The following UBE2E2 variants were observed in gnomAD, a reference collection of about 807,000 sequenced individuals.
The protein encoded by UBE2E2 is ubiquitin conjugating enzyme E2 E2.
A neutral mutation model predicts 24.7 loss-of-function variants in UBE2E2; 6 were observed. That is an observed-to-expected ratio of 0.24 (90% CI 0.13 to 0.48). UBE2E2 has a LOEUF of 0.48. Among genes scored for constraint, UBE2E2 ranks in the 20% least tolerant of loss-of-function variants. The probability of loss-of-function intolerance (pLI) is 0.99; values close to 1 mark genes in which losing one functional copy is unlikely to be tolerated. For synonymous variants in UBE2E2, 104 were observed against 83.6 expected (o/e 1.24, Z -1.33); for missense variants, 169 against 245.0 (o/e 0.69, Z 2.07).
intron 3 of UBE2E2, among the ~76,000 whole-genome samples, chr3:23,401,531 C>T (rs1697222154): frequency 6.6e-6 from 1 of 152,066 alleles, no homozygotes; most frequent in African/African-American, 2.4e-5. Context: ...TGTCTGATGG[C>T]CTTCAAAACC....
At chr3:23,546,790 A>G (rs1695534727) in intron 5 of UBE2E2, among the ~76,000 whole-genome samples, 1 of 152,090 alleles carries the variant, frequency 6.6e-6, no homozygotes, top group Non-Finnish European at 1.5e-5. Flanking sequence ...TTAGATTTTA[A>G]TTAATTTTTA....
intron 3 of UBE2E2, among the ~76,000 whole-genome samples, chr3:23,231,914 G>A (rs542611280): frequency 3.5e-4 from 54 of 152,328 alleles, no homozygotes; most frequent in South Asian, 8.3e-4. Flanking sequence ...ACCCATGGAA[G>A]TGGAGTATGC....
At chr3:23,405,239 G>A (rs559249652) in intron 3 of UBE2E2, among the ~76,000 whole-genome samples, 12 of 152,134 alleles carry the variant, frequency 7.9e-5, no homozygotes, top group Non-Finnish European at 1.3e-4. Flanking sequence ...CTTGGTCAAA[G>A]CATTTATGCC....
intron 1 of UBE2E2, among the ~76,000 whole-genome samples, 155 bp downstream of exon 1, chr3:23,203,619 T>TC (rs1224649052): frequency 6.7e-6 from 1 of 148,386 alleles, no homozygotes; most frequent in Non-Finnish European, 1.5e-5. Context: ...CGTGCCCGGT[T>TC]CCCTACGCCC....
At chr3:23,396,458 A>G (rs1697080890) in intron 3 of UBE2E2, among the ~76,000 whole-genome samples, 1 of 151,712 alleles carries the variant, frequency 6.6e-6, no homozygotes, top group Admixed American at 6.6e-5. Flanking sequence ...ATATACACAT[A>G]CATACATATA....
chr3:23,566,783 C>T lies in UBE2E2; in HGVS notation c.509-22951C>T, dbSNP rs895432521. On this transcript the variant is annotated intron_variant, in intron 5 of 5. Transcript: ENST00000396703. The stretch of plus-strand genomic sequence containing the variant: ...ACCTGCCACTAGGCCCTAGCTCCAA[C>T]ATTGAGGGTCACATGTCAGCAGATT... Among the ~76,000 whole-genome samples the T allele has an allele frequency of 2.6e-5, 4 of 152,298 alleles. No individual in the cohort carries two copies. The East Asian group carries it at 7.7e-4, about 29-fold the overall frequency.
In UBE2E2 at chr3:23,392,228, T is replaced by C. The variant is rs138139684; in HGVS notation, c.228-107380T>C. ...TTATAGTATGGCCTAGCGAATAATA[T>C]ATAACATTATGCTAGCACACTCAAC... On this transcript the variant is annotated intron_variant, in intron 3 of 5. Coordinates refer to ENST00000396703, the MANE Select transcript of UBE2E2 (RefSeq NM_152653.4). 1.0e-3 allele frequency among the ~76,000 whole-genome samples: 156 copies of C among 152,276 alleles called. 5 individuals carry two copies. The East Asian group carries it at 0.026, about 25-fold the overall frequency.
chr3:23,213,737 A>G (rs1341447941), intron 2 of UBE2E2, among the ~76,000 whole-genome samples: 1 of 152,188 alleles, frequency 6.6e-6, no homozygotes, highest in Non-Finnish European at 1.5e-5. Flanking sequence ...TCACCTTACC[A>G]GCGTAAAATA....
intron 3 of UBE2E2, among the ~76,000 whole-genome samples, chr3:23,347,704 A>C (rs1464239461): frequency 2.6e-5 from 4 of 152,186 alleles, no homozygotes; most frequent in African/African-American, 9.7e-5. Flanking sequence ...AAGTATAATA[A>C]TAAATAAATT....
chr3:23,389,626 CT>C, intron 3 of UBE2E2: 2 of 265,720 alleles, frequency 7.5e-6, no homozygotes, highest in East Asian at 7.9e-5. Flanking sequence ...TCCTGGGGGG[CT>C]TTTGTCTTAT....
At chr3:23,585,308 C>G (rs1291781908) in intron 5 of UBE2E2, among the ~76,000 whole-genome samples, 1 of 146,826 alleles carries the variant, frequency 6.8e-6, no homozygotes, top group African/African-American at 2.5e-5. Context: ...GGGGTCAAGG[C>G]TGCAGTGAGC....
chr3:23,225,195 C>T (rs1162352079), intron 3 of UBE2E2, among the ~76,000 whole-genome samples: 2 of 150,874 alleles, frequency 1.3e-5, no homozygotes, highest in Non-Finnish European at 1.5e-5. Flanking sequence ...GATATAAGTC[C>T]TGTACATCAG....
chr3:23,323,013 A>T (rs1419784828), intron 3 of UBE2E2, among the ~76,000 whole-genome samples: 2 of 151,980 alleles, frequency 1.3e-5, no homozygotes, highest in African/African-American at 4.8e-5. Context: ...AGTTAGTATT[A>T]ATATAAATAT....
At chr3:23,246,677 A>G (rs548545352) in intron 3 of UBE2E2, among the ~76,000 whole-genome samples, 12 of 150,902 alleles carry the variant, frequency 8.0e-5, no homozygotes, top group African/African-American at 2.4e-4. Context: ...GCACCTGACC[A>G]GTAAAGATAT....
chr3:23,383,129 T>C (rs1435215392), intron 3 of UBE2E2, among the ~76,000 whole-genome samples: 2 of 152,314 alleles, frequency 1.3e-5, no homozygotes, highest in South Asian at 2.1e-4. Flanking sequence ...GTTACTGTAT[T>C]AATGTGGGTG....
chr3:23,243,456 A>G (rs1697309307), intron 3 of UBE2E2, among the ~76,000 whole-genome samples: 1 of 152,088 alleles, frequency 6.6e-6, no homozygotes, highest in South Asian at 2.1e-4. Context: ...CCTACATTTT[A>G]TGGCCCGCTT....
chr3:23,549,605 G>C (rs1236179356), intron 5 of UBE2E2, among the ~76,000 whole-genome samples: 2 of 152,104 alleles, frequency 1.3e-5, no homozygotes, highest in African/African-American at 2.4e-5. Flanking sequence ...CAGCATTATT[G>C]TGAGGAAAAA....
chr3:23,352,618 A>T (rs1185682146), intron 3 of UBE2E2, among the ~76,000 whole-genome samples: 4 of 152,228 alleles, frequency 2.6e-5, no homozygotes, highest in Non-Finnish European at 4.4e-5. Flanking sequence ...CTACGCAAAT[A>T]AACTAGAAAA....
At chr3:23,540,925 G>T (rs1250408669) in intron 5 of UBE2E2, among the ~76,000 whole-genome samples, 1 of 152,152 alleles carries the variant, frequency 6.6e-6, no homozygotes, top group African/African-American at 2.4e-5. Flanking sequence ...CTTTTTAAAT[G>T]TGAAATTTTT....
Sources: allele counts gnomAD v4.1 joint callset (sites outside exome capture counted in the v4.1 genomes callset), GRCh38; gene constraint gnomAD v4.1.1; transcripts MANE v1.5; gene names NCBI Gene and HGNC (gene_info 2026-07-23, HGNC 2026-07-21).